Variants in CRYBG3 observed in about 807,000 individuals in gnomAD.
CRYBG3 encodes very large A-kinase anchor protein.
In CRYBG3, 127 loss-of-function variants were observed where a neutral mutation model predicts 244.2. The ratio of observed to expected loss-of-function variants is 0.52; its 90% confidence interval spans 0.45 to 0.60. The LOEUF (loss-of-function observed/expected upper bound fraction) is 0.60, where lower values mean the gene tolerates loss of function less well. Ranked by LOEUF, CRYBG3 falls within the 20% of genes least tolerant of loss-of-function variation. The pLI is 0.00. For missense variants in CRYBG3, 3,325 were observed against 3,442.5 expected (o/e 0.97, Z 0.85); for synonymous variants, 1,132 against 1,195.8 (o/e 0.95, Z 1.10).
At chr3:97,837,496 A>T (rs1323067529) in intron 1 of CRYBG3, among the ~76,000 whole-genome samples, 1 of 152,090 alleles carries the variant, frequency 6.6e-6, no homozygotes, top group Non-Finnish European at 1.5e-5. Context: ...TGATTCTTCT[A>T]CTGTAGACCA....
chr3:97,844,190 G>GA (rs1238124807), intron 2 of CRYBG3, among the ~76,000 whole-genome samples: 1 of 151,946 alleles, frequency 6.6e-6, no homozygotes, highest in Admixed American at 6.6e-5. Context: ...TTATTGAAAG[G>GA]AAAAAATGAA....
At chr3:97,845,863 CT>C (rs2038893142) in intron 2 of CRYBG3, among the ~76,000 whole-genome samples, 1 of 152,048 alleles carries the variant, frequency 6.6e-6, no homozygotes, top group Non-Finnish European at 1.5e-5. Context: ...ATCTGGTTTC[CT>C]TTCCTTTTGG....
intron 1 of CRYBG3, among the ~76,000 whole-genome samples, chr3:97,834,958 A>G (rs1237833328): frequency 6.6e-6 from 1 of 152,016 alleles, no homozygotes; most frequent in Non-Finnish European, 1.5e-5. Flanking sequence ...AACCCTACCC[A>G]CTCAGAAACA....
chr3:97,848,024 A>G (rs2038927925), intron 2 of CRYBG3, among the ~76,000 whole-genome samples: 1 of 152,218 alleles, frequency 6.6e-6, no homozygotes, highest in Non-Finnish European at 1.5e-5. Context: ...TATTTCACTG[A>G]GGAAGAATGA....
intron 10 of CRYBG3, among the ~76,000 whole-genome samples, chr3:97,890,773 A>G (rs35239735): frequency 1.3e-5 from 2 of 152,164 alleles, no homozygotes; most frequent in African/African-American, 4.8e-5. Context: ...ACATTTGTGC[A>G]CAAATTATTC....
rs2039509351 is a variant in CRYBG3, at chr3:97,886,594, T to C, written c.7153-37T>C. 4.1e-5 allele frequency: 65 copies of C among 1,568,246 alleles called. No homozygotes were observed. The East Asian group carries it at 1.4e-3, about 34-fold the overall frequency. The stretch of plus-strand genomic sequence containing the variant: ...TTGAGAAGACTGGACTGTGTGACTC[T>C]AGTTGATTTCAAAGCCAAATTATTT... On this transcript the variant is annotated intron_variant, in intron 7 of 21. Coordinates refer to ENST00000389622, the MANE Select transcript of CRYBG3 (RefSeq NM_153605.4).
At chr3:97,893,071 A>G (rs2039599879) in intron 11 of CRYBG3, 78 bp downstream of exon 11, 5 of 1,293,170 alleles carry the variant, frequency 3.9e-6, no homozygotes, top group Non-Finnish European at 5.3e-6. Context: ...AGCAAAGCAA[A>G]AATGATTTGT....
At chr3:97,853,281 T>G (rs557145965) in intron 2 of CRYBG3, among the ~76,000 whole-genome samples, 1 of 152,014 alleles carries the variant, frequency 6.6e-6, no homozygotes, top group Non-Finnish European at 1.5e-5. Context: ...ATTCCTGAGT[T>G]ACTTCTCTTA....
At position 97,874,569 on chromosome 3, in the gene CRYBG3, T is replaced by G. The variant is rs1467000024; in HGVS notation, c.3375T>G (p.Phe1125Leu). The G allele has an allele frequency of 6.5e-7, 1 of 1,535,862 alleles. No individual in the cohort carries two copies. The highest frequency in any genetic ancestry group is 8.7e-7 in the Non-Finnish European group (1 of 1,146,830). Reference protein sequence around the residue: ...SVSIGTEVTPFQEHFGIYTGK... With the variant: ...SVSIGTEVTPLQEHFGIYTGK... ...CAATTGGGACAGAAGTAACCCCATT[T>G]CAGGAACATTTTGGGATTTATACTG... The change falls in exon 4 of 22, where the codon TTT becomes TTG. Residue 1125 changes from phenylalanine (F) to leucine (L), a missense_variant. Phe to Leu is a conservative substitution (Grantham distance 22). This residue lies in a region of CRYBG3 where 1,526 missense variants were observed against 1,443.2 expected (regional missense o/e 1.06). Transcript: ENST00000389622.
At position 97,876,882 on chromosome 3, in the gene CRYBG3, A is replaced by G. The variant is rs2039380772; in HGVS notation, c.5688A>G (p.Pro1896=). ...TTCCTGCATTTGAAAGTAAAACACC[A>G]CAAGAGTATGCTGAAGGGAGTGTTG... ...AMLPAFESKT[P]QEYAEGSVEE... The change falls in exon 4 of 22, where the codon CCA becomes CCG. Residue 1896 remains proline (P), a synonymous_variant. Transcript: ENST00000389622. 2 of 1,415,520 alleles carry G rather than the reference A, an allele frequency of 1.4e-6. No homozygotes were observed. Among genetic ancestry groups the G allele is most frequent in the Non-Finnish European group, 1.8e-6 (2 of 1,085,136 alleles). The allele number at this position is 1,415,520 out of a possible 1,614,324, so 87.7% of individuals were successfully genotyped here. A position where few individuals can be genotyped will look rare whatever the true frequency, so the allele number is the denominator to read the frequency against.
At chr3:97,931,878 C>G (rs1263666417) in intron 17 of CRYBG3, among the ~76,000 whole-genome samples, 1 of 151,966 alleles carries the variant, frequency 6.6e-6, no homozygotes, top group East Asian at 1.9e-4. Flanking sequence ...TATATTGCAC[C>G]AGTACTGATG....
intron 18 of CRYBG3, among the ~76,000 whole-genome samples, chr3:97,935,618 C>T (rs948642004): frequency 5.3e-5 from 8 of 152,002 alleles, no homozygotes; most frequent in Non-Finnish European, 8.8e-5. Flanking sequence ...TCCTGCATTA[C>T]CTGAAGAACA....
At chr3:97,887,775 C>G (rs1481217378) in intron 8 of CRYBG3, among the ~76,000 whole-genome samples, 2 of 151,924 alleles carry the variant, frequency 1.3e-5, no homozygotes, top group Admixed American at 6.6e-5. Flanking sequence ...ACAACAAAAA[C>G]AAAAACAAAA....
chr3:97,846,488 A>C (rs977267827), intron 2 of CRYBG3, among the ~76,000 whole-genome samples: 6 of 152,090 alleles, frequency 3.9e-5, no homozygotes, highest in Admixed American at 3.3e-4. Context: ...TGTTCCTTTG[A>C]TCTCAAATTC....
intron 8 of CRYBG3, among the ~76,000 whole-genome samples, 166 bp from the exon 9 acceptor site, chr3:97,888,175 G>A (rs1489848816): frequency 6.6e-6 from 1 of 152,154 alleles, no homozygotes; most frequent in Non-Finnish European, 1.5e-5. Flanking sequence ...AAATAACATG[G>A]TAACTATTAT....
In CRYBG3 at chr3:97,941,255, T is replaced by C; in HGVS notation, c.8613T>C (p.Ser2871=). 6.2e-7 allele frequency: 1 copy of C among 1,611,248 alleles called. No individual in the cohort carries two copies. Among genetic ancestry groups the C allele is most frequent in the South Asian group, 1.1e-5 (1 of 90,918 alleles). The change falls in exon 20 of 22, where the codon AGT becomes AGC. Residue 2871 remains serine, a synonymous_variant. Coordinates refer to ENST00000389622, the MANE Select transcript of CRYBG3 (RefSeq NM_153605.4). ...CATCTGTGTGCATTTCTCCCTATAG[T>C]GGAAAGAATACTCAGATCTGGTACT... ...RATSVCISPY[S]GKNTQIWYYC...
At chr3:97,941,392 A>G in intron 20 of CRYBG3, 86 bp downstream of exon 20, 3 of 956,718 alleles carry the variant, frequency 3.1e-6, no homozygotes, top group African/African-American at 3.3e-5. Context: ...AACTGGCATG[A>G]TAAAACAATG....
intron 2 of CRYBG3, among the ~76,000 whole-genome samples, chr3:97,854,893 G>C (rs79813482): frequency 0.012 from 1,812 of 151,998 alleles, 24 homozygotes; most frequent in African/African-American, 0.041. Context: ...TACTATATTG[G>C]ATAAGAGTAG....
chr3:97,852,294 G>C (rs1201065886), intron 2 of CRYBG3, among the ~76,000 whole-genome samples: 1 of 152,306 alleles, frequency 6.6e-6, no homozygotes, highest in East Asian at 1.9e-4. Context: ...GGAAACCTCA[G>C]AGTGATGCCA....
Sources: allele counts gnomAD v4.1 joint callset (sites outside exome capture counted in the v4.1 genomes callset), GRCh38; gene constraint gnomAD v4.1.1; regional missense constraint gnomAD v4.1.1; transcripts MANE v1.5; gene names NCBI Gene and HGNC (gene_info 2026-07-23, HGNC 2026-07-21).